APBB2: variants seen among roughly 807,000 people sequenced by gnomAD.
The protein encoded by APBB2 is amyloid beta precursor protein binding family B member 2.
In APBB2, 38 loss-of-function variants were observed where a neutral mutation model predicts 82.5. That is an observed-to-expected ratio of 0.46 (90% CI 0.36 to 0.60). The LOEUF (loss-of-function observed/expected upper bound fraction) is 0.60. Ranked by LOEUF, APBB2 falls within the 20% of genes least tolerant of loss-of-function variation. The pLI, the probability that APBB2 is intolerant of heterozygous loss-of-function variation, is 0.00. For missense variants in APBB2, 772 were observed against 972.3 expected (o/e 0.79, Z 2.74); for synonymous variants, 341 against 368.2 (o/e 0.93, Z 0.85).
intron 7 of APBB2, among the ~76,000 whole-genome samples, chr4:40,941,253 T>C (rs1786830751): frequency 6.6e-6 from 1 of 152,174 alleles, no homozygotes; most frequent in Non-Finnish European, 1.5e-5. Flanking sequence ...TTCTCATGCT[T>C]TGAAATTGGT....
At chr4:40,874,605 G>C (rs1488889752) in intron 12 of APBB2, among the ~76,000 whole-genome samples, 1 of 152,172 alleles carries the variant, frequency 6.6e-6, no homozygotes, top group Admixed American at 6.5e-5. Flanking sequence ...AGAATCCCTA[G>C]AACAGTGTTT....
intron 3 of APBB2, among the ~76,000 whole-genome samples, chr4:41,070,723 C>T (rs1733563246): frequency 1.3e-5 from 2 of 152,106 alleles, no homozygotes; most frequent in Admixed American, 6.6e-5. Context: ...TGACATTTTT[C>T]TGAACTGTTA....
intron 4 of APBB2, among the ~76,000 whole-genome samples, chr4:41,063,950 A>ATTTTTTTT (rs11422110): frequency 1.1e-5 from 1 of 91,794 alleles, no homozygotes; most frequent in Non-Finnish European, 2.0e-5. Context: ...AAATGCTGGG[A>ATTTTTTTT]TTTTTTTTTT....
chr4:41,160,050 T>A (rs577051573), intron 1 of APBB2, among the ~76,000 whole-genome samples: 1 of 147,584 alleles, frequency 6.8e-6, no homozygotes, highest in South Asian at 2.2e-4. Context: ...CATCACAGGA[T>A]GCTGTTTTGC....
At chr4:40,884,520 C>T (rs1417619537) in intron 12 of APBB2, among the ~76,000 whole-genome samples, 1 of 152,068 alleles carries the variant, frequency 6.6e-6, no homozygotes, top group Admixed American at 6.6e-5. Context: ...CTCGCACCTG[C>T]TATCCCAGCA....
intron 6 of APBB2, among the ~76,000 whole-genome samples, chr4:40,985,247 T>C (rs1800119501): frequency 6.6e-6 from 1 of 151,012 alleles, no homozygotes; most frequent in South Asian, 2.1e-4. Flanking sequence ...TTATCTATGT[T>C]TCCTAACTTT....
chr4:40,903,969 A>G (rs1776015127), intron 10 of APBB2, among the ~76,000 whole-genome samples: 1 of 152,192 alleles, frequency 6.6e-6, no homozygotes. Context: ...AGAATAATGT[A>G]CACTTAGGGT....
intron 2 of APBB2, among the ~76,000 whole-genome samples, chr4:41,120,170 C>T (rs1006132208): frequency 5.3e-5 from 8 of 152,098 alleles, no homozygotes. Flanking sequence ...TCACTCTCTC[C>T]ACCAGAAAGA....
chr4:40,823,909 A>G, intron 15 of APBB2, 150 bp from the exon 16 acceptor site: 1 of 608,594 alleles, frequency 1.6e-6, no homozygotes, highest in East Asian at 2.8e-5. Context: ...CAGGAATGAA[A>G]TACCAGCTTC....
chr4:40,827,317 G>C (rs1226820759), intron 13 of APBB2, 98 bp from the exon 14 acceptor site: 7 of 1,006,780 alleles, frequency 7.0e-6, no homozygotes, highest in Non-Finnish European at 1.1e-5. Flanking sequence ...TCACTTCCAA[G>C]TTAGATCAGC....
intron 3 of APBB2, among the ~76,000 whole-genome samples, chr4:41,071,767 A>G (rs375066718): frequency 3.8e-4 from 58 of 152,306 alleles, no homozygotes; most frequent in African/African-American, 1.3e-3. Context: ...CTGAAGGATT[A>G]CCCATTTAAG....
intron 3 of APBB2, among the ~76,000 whole-genome samples, chr4:41,066,348 CTG>C (rs1731805926): frequency 6.6e-6 from 1 of 152,166 alleles, no homozygotes; most frequent in Admixed American, 6.5e-5. Context: ...AGTCGATTTA[CTG>C]TCAGTTGATT....
chr4:40,979,903 A>G (rs114597960), intron 6 of APBB2, among the ~76,000 whole-genome samples: 3,820 of 152,304 alleles, frequency 0.025, 164 homozygotes, highest in African/African-American at 0.087. Context: ...GAAGCTATGG[A>G]CGTTGTTTTA....
At chr4:40,989,938 A>C (rs565084598) in intron 6 of APBB2, among the ~76,000 whole-genome samples, 1 of 152,328 alleles carries the variant, frequency 6.6e-6, no homozygotes, top group South Asian at 2.1e-4. Context: ...TGGGAAAGAA[A>C]AGAAGAAAAC....
At chr4:41,126,216 C>CA (rs570780744) in intron 2 of APBB2, among the ~76,000 whole-genome samples, 1,533 of 59,408 alleles carry the variant, frequency 0.026, 23 homozygotes, top group African/African-American at 0.07. Flanking sequence ...CGTGTCTCTA[C>CA]AAAAAAAAAA....
chr4:40,872,210 G>A (rs1765695851), intron 12 of APBB2, among the ~76,000 whole-genome samples: 1 of 152,214 alleles, frequency 6.6e-6, no homozygotes, highest in Non-Finnish European at 1.5e-5. Context: ...GCTTTAGACA[G>A]AGAATGAGGA....
At position 41,205,219 on chromosome 4, in the gene APBB2, G is replaced by A. The variant is rs184342433; in HGVS notation, c.-417+9186C>T. On this transcript the variant is annotated intron_variant, in intron 1 of 17. Coordinates refer to ENST00000508593, the MANE Select transcript of APBB2 (RefSeq NM_004307.2). ...GCAGATAATGTTGTGACCCAATTAC[G>A]GGGTATTTTGGAAGTAGTAGGCACC... Among the ~76,000 whole-genome samples, 5 of 152,236 alleles carry A rather than the reference G, an allele frequency of 3.3e-5. No individual in the cohort carries two copies. The East Asian group carries it at 9.7e-4, about 29-fold the overall frequency.
intron 12 of APBB2, among the ~76,000 whole-genome samples, chr4:40,883,299 G>A (rs573512951): frequency 2.8e-4 from 42 of 152,248 alleles, no homozygotes; most frequent in African/African-American, 9.9e-4. Flanking sequence ...CTCTAGCCTG[G>A]GTAACAGAGC....
chr4:40,860,530 T>C (rs912695104), intron 12 of APBB2, among the ~76,000 whole-genome samples: 1 of 152,212 alleles, frequency 6.6e-6, no homozygotes, highest in Non-Finnish European at 1.5e-5. Context: ...CTGGACTCTG[T>C]CCTATGTGTG....
Sources: gnomAD v4.1 joint callset for allele counts (sites outside exome capture counted in the v4.1 genomes callset) on GRCh38, gnomAD v4.1.1 for gene constraint, MANE v1.5 for transcripts, NCBI Gene and HGNC (gene_info 2026-07-23, HGNC 2026-07-21) for gene names.